The following PKD1L1 variants were observed in gnomAD, a reference collection of about 807,000 sequenced individuals.
PKD1L1 encodes polycystin-1-like protein 1.
PKD1L1 carries 236 observed loss-of-function variants against 323.4 expected under a neutral mutation model. That is an observed-to-expected ratio of 0.73 (90% CI 0.66 to 0.81). PKD1L1 has a LOEUF of 0.81. PKD1L1 is among the 40% of genes least tolerant of loss of function. The pLI, the probability that PKD1L1 is intolerant of heterozygous loss-of-function variation, is 0.00. For synonymous variants in PKD1L1, 1,344 were observed against 1,335.0 expected (o/e 1.01, Z -0.15); for missense variants, 3,320 against 3,508.0 (o/e 0.95, Z 1.35).
intron 54 of PKD1L1, among the ~76,000 whole-genome samples, chr7:47,799,284 A>G (rs1011384398): frequency 3.9e-5 from 6 of 152,182 alleles, no homozygotes; most frequent in African/African-American, 1.4e-4. Context: ...GATGAGCAAG[A>G]GTAGGGAGCT....
At chr7:47,870,176 C>CA (rs201834444) in intron 24 of PKD1L1, among the ~76,000 whole-genome samples, 99 of 69,922 alleles carry the variant, frequency 1.4e-3, no homozygotes, top group African/African-American at 6.1e-3. Flanking sequence ...TAAGAAACAA[C>CA]AACAACAAAA....
rs528205945 is a variant in PKD1L1, at chr7:47,876,283, A to T, written c.3664-66T>A. On this transcript the variant is annotated intron_variant, in intron 22 of 56. Coordinates refer to ENST00000289672, the MANE Select transcript of PKD1L1 (RefSeq NM_138295.5). The stretch of plus-strand genomic sequence containing the variant: ...CACACTGTGAATGATATCACAATAC[A>T]TACACACACAGCTGAGCCTTCATTG... 1.7e-5 allele frequency: 26 copies of T among 1,541,582 alleles called. No homozygotes were observed. In the East Asian group the frequency reaches 5.2e-4, roughly 31 times the overall value.
chr7:47,895,599 T>C (rs1348116502), intron 14 of PKD1L1, among the ~76,000 whole-genome samples: 1 of 152,142 alleles, frequency 6.6e-6, no homozygotes, highest in African/African-American at 2.4e-5. Context: ...GATTGTGTTT[T>C]TGTGTAATAA....
At chr7:47,934,168 C>T (rs1044022986) in intron 4 of PKD1L1, among the ~76,000 whole-genome samples, 3 of 152,208 alleles carry the variant, frequency 2.0e-5, no homozygotes, top group African/African-American at 7.2e-5. Flanking sequence ...AGCCTGTGTG[C>T]CCGCAGCTCT....
intron 49 of PKD1L1, 151 bp downstream of exon 49, chr7:47,812,970 A>G (rs1784932579): frequency 3.5e-6 from 3 of 861,004 alleles, no homozygotes; most frequent in African/African-American, 3.4e-5. Context: ...CAACAATGAC[A>G]AGTCTGGCTG....
intron 28 of PKD1L1, among the ~76,000 whole-genome samples, chr7:47,857,173 T>G (rs1410764617): frequency 2.0e-5 from 3 of 152,214 alleles, no homozygotes; most frequent in African/African-American, 7.2e-5. Flanking sequence ...AGCACTGCCA[T>G]GTCCTCAGCA....
At chr7:47,886,769 A>G (rs1176083907) in intron 17 of PKD1L1, among the ~76,000 whole-genome samples, 5 of 152,210 alleles carry the variant, frequency 3.3e-5, no homozygotes, top group Admixed American at 2.0e-4. Context: ...CTGCAGAACC[A>G]TAAGCCAAAA....
chr7:47,775,144 C>T lies in PKD1L1; in HGVS notation c.8549G>A (p.Ter2850=), dbSNP rs577956790. The T allele has an allele frequency of 1.2e-6, 2 of 1,614,044 alleles. No homozygotes were observed. Among genetic ancestry groups the T allele is most frequent in the African/African-American group, 1.3e-5 (1 of 75,052 alleles). ...AAEPADIKDF[*] Reference sequence around the variant, plus strand: ...TGCCTATGCAAGGTACCAGGCTCCTCAGAAGTCCTTGATGTCTGCTGGCTA... The same window carrying T: ...TGCCTATGCAAGGTACCAGGCTCCTTAGAAGTCCTTGATGTCTGCTGGCTA... The change falls in exon 57 of 57, where the codon TGA becomes TAA. Residue 2850 remains the stop codon, a stop_retained_variant. Transcript: ENST00000289672.
chr7:47,786,786 G>T (rs1458382750), intron 56 of PKD1L1, among the ~76,000 whole-genome samples: 1 of 152,238 alleles, frequency 6.6e-6, no homozygotes, highest in African/African-American at 2.4e-5. Flanking sequence ...CAGGGCAAGA[G>T]CTCGGAGGTC....
chr7:47,820,287 T>C (rs1291361352), intron 46 of PKD1L1, among the ~76,000 whole-genome samples: 2 of 152,244 alleles, frequency 1.3e-5, no homozygotes, highest in Non-Finnish European at 2.9e-5. Context: ...ATGCTTGCCT[T>C]TGCCTGGTGG....
rs377243378 is a variant in PKD1L1 at position 47,855,226 on chromosome 7, T to C, written c.4630A>G (p.Ser1544Gly). The change falls in exon 29 of 57, where the codon AGC (serine) becomes GGC (glycine). Residue 1544 changes from serine to glycine, a missense_variant. Coordinates refer to ENST00000289672, the MANE Select transcript of PKD1L1 (RefSeq NM_138295.5). The part of the protein sequence containing the change: ...VVGLNLYTCS[S>G]RRPINRQWLR... ...CATTGCCTGTTGATGGGTCTTCTGCTGGAGCAGGTATAGAGGTTGAGGCCC... is the reference window on the plus strand; with the variant it reads ...CATTGCCTGTTGATGGGTCTTCTGCCGGAGCAGGTATAGAGGTTGAGGCCC... 2 of 1,614,206 alleles carry C rather than the reference T, an allele frequency of 1.2e-6. No individual in the cohort carries two copies. Among genetic ancestry groups the C allele is most frequent in the Non-Finnish European group, 1.7e-6 (2 of 1,180,034 alleles).
chr7:47,903,314 C>T (rs1162941592), intron 12 of PKD1L1, among the ~76,000 whole-genome samples: 2 of 152,106 alleles, frequency 1.3e-5, no homozygotes, highest in East Asian at 3.9e-4. Context: ...ATGGTTTTCT[C>T]AGGTTGTCAG....
intron 50 of PKD1L1, among the ~76,000 whole-genome samples, chr7:47,811,525 G>T (rs1461594047): frequency 6.6e-6 from 1 of 152,124 alleles, no homozygotes; most frequent in Non-Finnish European, 1.5e-5. Context: ...ATCCCTGGGG[G>T]GATCTAAACA....
rs1583608659 is a variant in PKD1L1, at chr7:47,836,862, A to T, written c.5943+59T>A. 1.4e-5 allele frequency: 22 copies of T among 1,539,720 alleles called. No homozygotes were observed. In the East Asian group the frequency reaches 5.1e-4, roughly 35 times the overall value. On this transcript the variant is annotated intron_variant, in intron 37 of 56. Transcript: ENST00000289672. ...GAGCTTTGTTGATTTCTTAGGCAAA[A>T]AGGGGCCACAGTGTAGTCGGATCTG...
chr7:47,929,008 TCA>T (rs1486062746), intron 7 of PKD1L1, among the ~76,000 whole-genome samples, 194 bp downstream of exon 7: 1 of 152,156 alleles, frequency 6.6e-6, no homozygotes, highest in East Asian at 1.9e-4. Context: ...GTAGAGTTGG[TCA>T]CAGTGCAAAA....
At chr7:47,786,763 C>T (rs1786816338) in intron 56 of PKD1L1, among the ~76,000 whole-genome samples, 1 of 152,198 alleles carries the variant, frequency 6.6e-6, no homozygotes, top group African/African-American at 2.4e-5. Flanking sequence ...AGAGAAGAGG[C>T]CCGAGCAAGG....
chr7:47,846,938 C>G lies in PKD1L1; in HGVS notation c.5094G>C (p.Glu1698Asp), dbSNP rs1308592208. 6.2e-7 allele frequency: 1 copy of G among 1,613,762 alleles called. No individual in the cohort carries two copies. Among genetic ancestry groups the G allele is most frequent in the Non-Finnish European group, 8.5e-7 (1 of 1,179,906 alleles). The change falls in exon 32 of 57, where the codon GAG becomes GAC. Residue 1698 changes from glutamate to aspartate, a missense_variant. Physicochemically the swap from Glu to Asp is conservative, Grantham distance 45. Transcript: ENST00000289672. ...GTGGAGAGAAACGTTCAGATTTCCA[C>G]TCTCTCTTGTCCCAAAACAGGCATC... ...WIRCLFWDKREWKSERFSPQP... is the reference protein window; with the variant it reads ...WIRCLFWDKRDWKSERFSPQP...
chr7:47,796,830 CAAAAAAAAA>C (rs71006525), intron 54 of PKD1L1, among the ~76,000 whole-genome samples: 63,281 of 134,014 alleles, frequency 0.47, 14,784 homozygotes, highest in East Asian at 0.61. Flanking sequence ...TCCTAAATTA[CAAAAAAAAA>C]AAAAAAAAAA....
intron 20 of PKD1L1, 107 bp from the exon 21 acceptor site, chr7:47,880,912 T>A: frequency 1.3e-6 from 1 of 755,356 alleles, no homozygotes; most frequent in Non-Finnish European, 2.0e-6. Flanking sequence ...GGGGTGAAAT[T>A]AACATAGATA....
Sources: gnomAD v4.1 joint callset for allele counts (sites outside exome capture counted in the v4.1 genomes callset) on GRCh38, gnomAD v4.1.1 for gene constraint, MANE v1.5 for transcripts, NCBI Gene and HGNC (gene_info 2026-07-23, HGNC 2026-07-21) for gene names.